The following STPG2 variants were observed in gnomAD, a reference collection of about 807,000 sequenced individuals.
STPG2 encodes sperm tail PG-rich repeat containing 2, also known as sperm-tail PG-rich repeat-containing protein 2.
STPG2 carries 56 observed loss-of-function variants against 54.2 expected under a neutral mutation model. The ratio of observed to expected loss-of-function variants is 1.03; its 90% CI spans 0.83 to 1.29. The LOEUF is 1.29. STPG2 is among the 50% of genes most tolerant of loss of function. STPG2 has a pLI of 0.00. For synonymous variants in STPG2, 200 were observed against 181.8 expected, an observed-to-expected ratio of 1.10 and a Z score of -0.81; for missense variants, 596 against 544.9, an observed-to-expected ratio of 1.09 and a Z score of -0.93.
intron 8 of STPG2, among the ~76,000 whole-genome samples, chr4:97,941,466 C>T (rs1732982237): frequency 6.6e-6 from 1 of 151,964 alleles, no homozygotes; most frequent in South Asian, 2.1e-4. Flanking sequence ...GTTCATCCTC[C>T]ATTTGTCACA....
At chr4:98,035,577 C>G (rs1032651511) in intron 5 of STPG2, among the ~76,000 whole-genome samples, 2 of 152,168 alleles carry the variant, frequency 1.3e-5, no homozygotes, top group South Asian at 4.2e-4. Flanking sequence ...ACCATTTGAC[C>G]CAGCAATCCA....
intron 8 of STPG2, among the ~76,000 whole-genome samples, chr4:97,904,950 A>T (rs1731345639): frequency 6.6e-6 from 1 of 152,082 alleles, no homozygotes; most frequent in African/African-American, 2.4e-5. Flanking sequence ...GAAATATGGG[A>T]CTATGTGAAA....
intron 10 of STPG2, among the ~76,000 whole-genome samples, chr4:97,583,124 T>C (rs1286897360): frequency 6.6e-6 from 1 of 152,006 alleles, no homozygotes; most frequent in African/African-American, 2.4e-5. Context: ...CTGTCATGGT[T>C]TCTTGCCAAG....
intron 8 of STPG2, among the ~76,000 whole-genome samples, chr4:97,860,504 TTTATTTTATTTTA>T (rs1400349515): frequency 7.5e-5 from 8 of 107,160 alleles, no homozygotes; most frequent in African/African-American, 3.1e-4. Context: ...TTTATTTTAT[TTTATTTTATTTTA>T]TTATTTTATT....
intron 4 of STPG2, among the ~76,000 whole-genome samples, chr4:97,540,436 A>C (rs1230100965): frequency 6.6e-6 from 1 of 152,176 alleles, no homozygotes; most frequent in African/African-American, 2.4e-5. Flanking sequence ...AAGAAGTTGA[A>C]TCTCTGAATA....
At chr4:98,109,125 G>A in intron 4 of STPG2, 68 bp downstream of exon 4, 1 of 967,796 alleles carries the variant, frequency 1.0e-6, no homozygotes. Flanking sequence ...GCATAGCCTA[G>A]TCTGAATTAT....
At chr4:97,712,633 T>C in intron 10 of STPG2, 66 bp downstream of exon 10, 1 of 1,114,452 alleles carries the variant, frequency 9.0e-7, no homozygotes, top group Non-Finnish European at 1.2e-6. Flanking sequence ...AATATATACA[T>C]TTGTAGTACT....
intron 8 of STPG2, among the ~76,000 whole-genome samples, chr4:97,842,556 A>T (rs747251826): frequency 6.6e-6 from 1 of 151,852 alleles, no homozygotes; most frequent in Non-Finnish European, 1.5e-5. Context: ...ATTTCCTGTA[A>T]CACCCTACGT....
chr4:98,134,404 G>A lies in STPG2; in HGVS notation c.165C>T (p.Ala55=). The A allele has an allele frequency of 6.3e-7, 1 of 1,589,256 alleles. No homozygotes were observed. The highest frequency in any genetic ancestry group is 8.6e-7 in the Non-Finnish European group (1 of 1,165,474). ...CTGGAACAGCTTTCTCAATGCTAGA[G>A]GCAATGGTAAAAGTACTTTCTCTGG... ...LTARESTFTI[A]SSIEKAVPGP... is the part of the protein sequence containing the mutation. Residue 55 remains alanine (A), a synonymous_variant, in exon 2 of 11, where the codon GCC becomes GCT. Coordinates refer to ENST00000295268, the MANE Select transcript of STPG2 (RefSeq NM_174952.3).
intron 5 of STPG2, among the ~76,000 whole-genome samples, chr4:98,099,764 C>T (rs184508890): frequency 2.0e-3 from 305 of 151,966 alleles, no homozygotes; most frequent in Middle Eastern, 3.4e-3. Flanking sequence ...TATGTACCTG[C>T]AAAGTTTAAA....
At chr4:97,464,766 A>G (rs1215751620) in intron 4 of STPG2, among the ~76,000 whole-genome samples, 2 of 152,164 alleles carry the variant, frequency 1.3e-5, no homozygotes, top group African/African-American at 4.8e-5. Context: ...GGGTGAATTG[A>G]ATTATTCTTT....
chr4:98,064,896 G>GTTTA (rs1213981633), intron 5 of STPG2, among the ~76,000 whole-genome samples: 3 of 151,922 alleles, frequency 2.0e-5, no homozygotes, highest in African/African-American at 7.3e-5. Flanking sequence ...AGTACTAAAA[G>GTTTA]TTTATTTATT....
At chr4:97,900,110 G>A (rs1232092840) in intron 8 of STPG2, among the ~76,000 whole-genome samples, 1 of 152,018 alleles carries the variant, frequency 6.6e-6, no homozygotes, top group Non-Finnish European at 1.5e-5. Context: ...GTTAGCAAAG[G>A]ACATGAACAG....
intron 8 of STPG2, among the ~76,000 whole-genome samples, chr4:97,923,985 T>C (rs949854712): frequency 2.4e-4 from 37 of 152,210 alleles, no homozygotes; most frequent in African/African-American, 8.2e-4. Flanking sequence ...GAGCCAGCAG[T>C]GGCAACCCAC....
rs937276305 is a variant in STPG2 at position 98,042,046 on chromosome 4, C to T, written c.613-60728G>A. Among the ~76,000 whole-genome samples the T allele has an allele frequency of 1.4e-4, 21 of 151,970 alleles. No individual in the cohort carries two copies. In the East Asian group the frequency reaches 3.9e-3, roughly 28 times the overall value. On this transcript the variant is annotated intron_variant, in intron 5 of 10. Transcript: ENST00000295268. The stretch of plus-strand genomic sequence containing the variant: ...GCTCTGTTTAGAATTTCTGTTTCTT[C>T]GTGGTTCAATCTGGAAATAATATGT...
intron 5 of STPG2, among the ~76,000 whole-genome samples, chr4:98,053,317 G>T (rs1005350773): frequency 8.5e-5 from 13 of 152,104 alleles, no homozygotes; most frequent in African/African-American, 3.1e-4. Flanking sequence ...ATGTAAACAT[G>T]CAACAAGAGA....
intron 9 of STPG2, among the ~76,000 whole-genome samples, chr4:97,829,704 C>T (rs1026924659): frequency 6.6e-6 from 1 of 152,024 alleles, no homozygotes; most frequent in Admixed American, 6.6e-5. Flanking sequence ...CTGAAAAACA[C>T]AGCACAAGAA....
intron 8 of STPG2, among the ~76,000 whole-genome samples, chr4:97,919,172 G>T (rs1732000007): frequency 1.3e-5 from 2 of 151,768 alleles, no homozygotes; most frequent in Admixed American, 1.3e-4. Flanking sequence ...CAACATAACA[G>T]AATTTGTAGA....
At chr4:97,949,301 T>C (rs1041256900) in intron 7 of STPG2, among the ~76,000 whole-genome samples, 17 of 152,278 alleles carry the variant, frequency 1.1e-4, no homozygotes, top group Non-Finnish European at 1.9e-4. Flanking sequence ...CTTGAGTTTA[T>C]ATAAATCCCT....
Sources: gnomAD v4.1 joint callset for allele counts (sites outside exome capture counted in the v4.1 genomes callset) on GRCh38, gnomAD v4.1.1 for gene constraint, MANE v1.5 for transcripts, NCBI Gene and HGNC (gene_info 2026-07-23, HGNC 2026-07-21) for gene names.